The following MED6 variants were observed in gnomAD, a reference collection of about 807,000 sequenced individuals.
MED6 encodes the protein mediator of RNA polymerase II transcription subunit 6.
Under a neutral mutation model 37.5 loss-of-function variants are expected in MED6, and 33 were observed. The observed-to-expected ratio is 0.88, with a 90% CI of 0.67 to 1.18. The LOEUF is 1.18. Among genes scored for constraint, MED6 ranks in the 50% most tolerant of loss-of-function variants. The pLI, the probability that MED6 is intolerant of heterozygous loss-of-function variation, is 0.00. For synonymous variants in MED6, 94 were observed against 93.6 expected, an observed-to-expected ratio of 1.00 and a Z score of -0.02; for missense variants, 235 against 290.6, an observed-to-expected ratio of 0.81 and a Z score of 1.39.
rs139057948 is a variant in MED6, at chr14:70,600,633, G to C, written c.5C>G (p.Ala2Gly). The C allele has an allele frequency of 2.5e-6, 4 of 1,613,002 alleles. No individual in the cohort carries two copies. In the African/African-American group the frequency reaches 5.4e-5, roughly 22 times the overall value. M[A>G]AVDIRDNLLG... ...CAGTATACCTCGGATATCCACCGCC[G>C]CCATAATTCCGAGAGCGTTTACAGG... is the stretch of plus-strand genomic sequence containing the variant. Residue 2 changes from alanine to glycine, a missense_variant, in exon 1 of 8, where the codon GCG (alanine) becomes GGG (glycine). Ala to Gly is a moderately conservative substitution (Grantham distance 60). Coordinates refer to ENST00000256379, the MANE Select transcript of MED6 (RefSeq NM_005466.4).
At chr14:70,593,115 T>TGA in intron 4 of MED6, 127 bp from the exon 5 acceptor site, 1 of 1,361,428 alleles carries the variant, frequency 7.3e-7, no homozygotes, top group Non-Finnish European at 1.0e-6. Flanking sequence ...ACTATATAAT[T>TGA]GAGACTATGA....
In MED6 at chr14:70,583,401, A is replaced by G. The variant is rs1456575266; in HGVS notation, c.*1412T>C. The G allele has an allele frequency of 3.3e-5, 5 of 152,232 alleles. No individual in the cohort carries two copies. In the East Asian group the frequency reaches 9.6e-4, roughly 29 times the overall value. 9.4% of individuals were successfully genotyped at this position (152,232 alleles called of 1,614,324 possible). A position where few individuals can be genotyped will look rare whatever the true frequency, so the allele number is the denominator to read the frequency against. On this transcript the variant is annotated 3_prime_UTR_variant, in exon 8 of 8. Transcript: ENST00000256379. Reference sequence around the variant, plus strand: ...ACTTAACACTAAAAACATAAATGACAAAATTCAGTGGTAGCAATTCTGGAA... The same window carrying G: ...ACTTAACACTAAAAACATAAATGACGAAATTCAGTGGTAGCAATTCTGGAA...
chr14:70,586,770 T>C (rs1266225452), intron 6 of MED6, among the ~76,000 whole-genome samples: 1 of 152,178 alleles, frequency 6.6e-6, no homozygotes, highest in Non-Finnish European at 1.5e-5. Context: ...CTACTCCAAC[T>C]GCAAGTCCTG....
chr14:70,585,942 T>A (rs945440558), intron 6 of MED6, among the ~76,000 whole-genome samples, 159 bp from the exon 7 acceptor site: 4 of 152,224 alleles, frequency 2.6e-5, no homozygotes, highest in Non-Finnish European at 4.4e-5. Context: ...ACTATGTATG[T>A]ACTATAAAGT....
chr14:70,592,000 T>C (rs1187735968), intron 5 of MED6, among the ~76,000 whole-genome samples: 2 of 152,176 alleles, frequency 1.3e-5, no homozygotes, highest in South Asian at 2.1e-4. Flanking sequence ...CTCCGAACAC[T>C]TGGTTATCGT....
intron 5 of MED6, chr14:70,591,587 A>C: frequency 2.2e-6 from 1 of 464,374 alleles, no homozygotes; most frequent in Middle Eastern, 5.9e-4. Flanking sequence ...AAATTCTAAC[A>C]TTTAAGCTGA....
At position 70,583,299 on chromosome 14, in the gene MED6, A is replaced by G. The variant is rs1171270396; in HGVS notation, c.*1514T>C. 1 of 152,238 alleles carries G rather than the reference A, an allele frequency of 6.6e-6. No homozygotes were observed. The highest frequency in any genetic ancestry group is 1.5e-5 in the Non-Finnish European group (1 of 68,046). The allele number at this position is 152,238 out of a possible 1,614,324, so 9.4% of individuals were successfully genotyped here. A position where few individuals can be genotyped will look rare whatever the true frequency, so the allele number is the denominator to read the frequency against. On this transcript the variant is annotated 3_prime_UTR_variant, in exon 8 of 8. Coordinates refer to ENST00000256379, the MANE Select transcript of MED6 (RefSeq NM_005466.4). ...AGACAAAAATCTCACACAATACATA[A>G]AATTAGACATTTCATAAAAGCAGAA...
At chr14:70,594,553 T>G in intron 3 of MED6, 1 of 398,652 alleles carries the variant, frequency 2.5e-6, no homozygotes, top group South Asian at 2.2e-5. Flanking sequence ...CCAGACAGCA[T>G]GAGTTTCACC....
intron 1 of MED6, among the ~76,000 whole-genome samples, chr14:70,599,863 G>A (rs1235116134): frequency 6.6e-6 from 1 of 152,092 alleles, no homozygotes; most frequent in Non-Finnish European, 1.5e-5. Flanking sequence ...AAGTGCTGCA[G>A]ATCGCCAGAT....
intron 1 of MED6, among the ~76,000 whole-genome samples, chr14:70,599,900 A>C (rs1219241139): frequency 2.0e-5 from 3 of 152,244 alleles, no homozygotes; most frequent in Non-Finnish European, 1.5e-5. Context: ...ATTTGTAATA[A>C]ATGTGTTAGA....
Position 70,584,724 on chromosome 14 carries a change from C to T in MED6, c.*89G>A. ...GCATTCCATACAAATAAGAAGGTTA[C>T]AATAAAGTACTTCAAAGCTCAAGAG... is the stretch of plus-strand genomic sequence containing the variant. On this transcript the variant is annotated 3_prime_UTR_variant, in exon 8 of 8. Transcript: ENST00000256379. 6.8e-7 allele frequency: 1 copy of T among 1,467,706 alleles called. No individual in the cohort carries two copies. The highest frequency in any genetic ancestry group is 9.2e-7 in the Non-Finnish European group (1 of 1,087,846). 90.9% of individuals were successfully genotyped at this position (1,467,706 alleles called of 1,614,324 possible).
intron 5 of MED6, among the ~76,000 whole-genome samples, chr14:70,592,234 T>C (rs948640394): frequency 6.6e-6 from 1 of 152,186 alleles, no homozygotes; most frequent in Non-Finnish European, 1.5e-5. Context: ...CAGTAAAATA[T>C]GATGAAGACA....
In MED6 at chr14:70,583,865, T is replaced by A. The variant is rs749839962; in HGVS notation, c.*948A>T. Reference sequence around the variant, plus strand: ...TTGCCATGAGATACCCTGTGCTGCCTAGGGACTTTGCAGACTTCCTACCAG... The same window carrying A: ...TTGCCATGAGATACCCTGTGCTGCCAAGGGACTTTGCAGACTTCCTACCAG... On this transcript the variant is annotated 3_prime_UTR_variant, in exon 8 of 8. Transcript: ENST00000256379. 3.1e-5 allele frequency: 12 copies of A among 384,746 alleles called. No homozygotes were observed. Among genetic ancestry groups the A allele is most frequent in the Admixed American group, 1.7e-4 (4 of 22,884 alleles). The allele number at this position is 384,746 out of a possible 1,614,324, so 23.8% of individuals were successfully genotyped here.
Position 70,593,313 on chromosome 14 carries a change from C to G in MED6, c.340G>C (p.Val114Leu). 6.2e-7 allele frequency: 1 copy of G among 1,613,694 alleles called. No homozygotes were observed. The highest frequency in any genetic ancestry group is 8.5e-7 in the Non-Finnish European group (1 of 1,179,724). Residue 114 changes from valine to leucine, a missense_variant, in exon 4 of 8, where the codon GTT becomes CTT. By Grantham distance (32) the Val-to-Leu change is conservative. Coordinates refer to ENST00000256379, the MANE Select transcript of MED6 (RefSeq NM_005466.4). Reference protein sequence around the residue: ...VIYQAPDLGSVINSRVLTAVH... With the variant: ...VIYQAPDLGSLINSRVLTAVH... ...ACACTTACCACTCTAGAGTTTATAA[C>G]TGATCCCAAGTCTGGTGCCTGATAG...
At chr14:70,595,780 T>C in intron 3 of MED6, 1 of 707,844 alleles carries the variant, frequency 1.4e-6, no homozygotes, top group Non-Finnish European at 2.6e-6. Flanking sequence ...AGGTAGTGGA[T>C]GGCAGAGTGG....
chr14:70,594,957 C>T (rs1047776349), intron 3 of MED6: 14 of 601,736 alleles, frequency 2.3e-5, no homozygotes, highest in Admixed American at 5.6e-5. Context: ...TCAAGACCAT[C>T]GAGGACCTGA....
At chr14:70,587,647 T>C (rs1347527522) in intron 6 of MED6, among the ~76,000 whole-genome samples, 1 of 152,226 alleles carries the variant, frequency 6.6e-6, no homozygotes, top group Non-Finnish European at 1.5e-5. Context: ...CACTGTCTAA[T>C]CTTTTCTAGT....
rs2139582763 is a variant in MED6, at chr14:70,583,442, T to A, written c.*1371A>T. 1 of 152,352 alleles carries A rather than the reference T, an allele frequency of 6.6e-6. No individual in the cohort carries two copies. Among genetic ancestry groups the A allele is most frequent in the Admixed American group, 6.5e-5 (1 of 15,302 alleles). The allele number at this position is 152,352 out of a possible 1,614,324, so 9.4% of individuals were successfully genotyped here. ...AATTCTGGAAAACCTGATACATACTTTCAAACTTCGCTGTTTGAGTGATCA... is the reference window on the plus strand; with the variant it reads ...AATTCTGGAAAACCTGATACATACTATCAAACTTCGCTGTTTGAGTGATCA... On this transcript the variant is annotated 3_prime_UTR_variant, in exon 8 of 8. Coordinates refer to ENST00000256379, the MANE Select transcript of MED6 (RefSeq NM_005466.4).
intron 6 of MED6, among the ~76,000 whole-genome samples, chr14:70,588,088 T>C (rs1169111413): frequency 1.3e-5 from 2 of 152,186 alleles, no homozygotes; most frequent in East Asian, 3.8e-4. Context: ...GAGGAGTTCA[T>C]ATGAGCTAAA....
Sources: allele counts gnomAD v4.1 joint callset (sites outside exome capture counted in the v4.1 genomes callset), GRCh38; gene constraint gnomAD v4.1.1; transcripts MANE v1.5; gene names NCBI Gene and HGNC (gene_info 2026-07-23, HGNC 2026-07-21).